Variants in GRK7 observed in about 807,000 individuals in gnomAD.
GRK7 encodes the protein G protein-coupled receptor kinase 7.
In GRK7, 24 loss-of-function variants were observed where a neutral mutation model predicts 34.1. That is an observed-to-expected ratio of 0.70 (90% CI 0.51 to 0.99). GRK7 has a LOEUF of 0.99. GRK7 is among the 50% of genes least tolerant of loss of function. The pLI, the probability that GRK7 is intolerant of heterozygous loss-of-function variation, is 0.00. For synonymous variants in GRK7, 256 were observed against 279.4 expected (o/e 0.92, Z 0.84); for missense variants, 644 against 707.3 (o/e 0.91, Z 1.02).
chr3:141,815,872 T>G (rs1457544749), intron 5 of GRK7, among the ~76,000 whole-genome samples: 2 of 152,164 alleles, frequency 1.3e-5, no homozygotes, highest in Non-Finnish European at 2.9e-5. Flanking sequence ...AGCCTTCAGA[T>G]GAGACCACAG....
chr3:141,770,964 C>T (rs566868630), intron 1 of GRK7, among the ~76,000 whole-genome samples: 33 of 146,718 alleles, frequency 2.2e-4, no homozygotes, highest in Non-Finnish European at 3.9e-4. Context: ...CACTGCACTC[C>T]GGCCTGGGTG....
At position 141,763,682 on chromosome 3, in the gene GRK7, C is replaced by A. The variant is rs2084567504; in HGVS notation, c.-2271C>A. Among the ~76,000 whole-genome samples the A allele has an allele frequency of 6.6e-6, 1 of 152,182 alleles. No individual in the cohort carries two copies. The highest frequency in any genetic ancestry group is 2.4e-5 in the African/African-American group (1 of 41,428). ...CCAGCAATCTCATCCTGCCCTTTAT[C>A]CTAGTTAGATACCTCAACACAAGAA... On this transcript the variant is annotated 5_prime_UTR_variant, in exon 1 of 6. Transcript: ENST00000682958.
chr3:141,771,055 A>G (rs2084614853), intron 1 of GRK7, among the ~76,000 whole-genome samples: 1 of 152,040 alleles, frequency 6.6e-6, no homozygotes, highest in Admixed American at 6.6e-5. Context: ...TGGTCCAGCA[A>G]TCCCACTATT....
intron 1 of GRK7, among the ~76,000 whole-genome samples, chr3:141,769,752 C>T (rs779042773): frequency 1.4e-4 from 22 of 152,216 alleles, no homozygotes; most frequent in Non-Finnish European, 5.9e-5. Flanking sequence ...CACTCGGCCT[C>T]GTGTGTGACC....
chr3:141,817,249 T>C lies in GRK7; in HGVS notation c.*199T>C. On this transcript the variant is annotated 3_prime_UTR_variant, in exon 6 of 6. Coordinates refer to ENST00000682958, the MANE Select transcript of GRK7 (RefSeq NM_139209.3). The stretch of plus-strand genomic sequence containing the variant: ...TTTCTTCATAAAGATGAGTAAAGTC[T>C]CAGTTTTCACTGAGGGCAGGGAAAA... The C allele has an allele frequency of 2.0e-6, 1 of 492,532 alleles. No individual in the cohort carries two copies. Among genetic ancestry groups the C allele is most frequent in the Non-Finnish European group, 3.5e-6 (1 of 281,778 alleles). The allele number at this position is 492,532 out of a possible 1,614,324, so 30.5% of individuals were successfully genotyped here.
intron 1 of GRK7, among the ~76,000 whole-genome samples, chr3:141,768,360 C>G (rs2084599900): frequency 6.6e-6 from 1 of 151,872 alleles, no homozygotes; most frequent in African/African-American, 2.4e-5. Flanking sequence ...CCGCCTCAGC[C>G]TCCGCCTCCC....
At chr3:141,794,101 A>C (rs1442564487) in intron 4 of GRK7, among the ~76,000 whole-genome samples, 1 of 152,130 alleles carries the variant, frequency 6.6e-6, no homozygotes, top group Non-Finnish European at 1.5e-5. Context: ...GTGGGGAAGC[A>C]GACAGCCATG....
At chr3:141,816,689 G>C (rs1162555437) in intron 5 of GRK7, 25 bp from the exon 6 acceptor site, 1 of 1,430,342 alleles carries the variant, frequency 7.0e-7, no homozygotes, top group Non-Finnish European at 9.5e-7. Flanking sequence ...CTCTGTCTCA[G>C]GCTGATCATC....
At position 141,816,785 on chromosome 3, in the gene GRK7, T is replaced by A. The variant is rs1427633271; in HGVS notation, c.1397T>A (p.Leu466Gln). The A allele has an allele frequency of 6.3e-7, 1 of 1,594,644 alleles. No homozygotes were observed. Among genetic ancestry groups the A allele is most frequent in the Admixed American group, 1.8e-5 (1 of 57,064 alleles). ...TINFPRLEAG[L>Q]IEPPFVPDPS... ...AACTTTCCTCGCCTGGAAGCTGGCC[T>A]AATTGAACCCCCATTTGTGCCAGAC... The change falls in exon 6 of 6, where the codon CTA becomes CAA. Residue 466 changes from leucine (L) to glutamine (Q), a missense_variant. Leu to Gln is a moderately radical substitution (Grantham distance 113). Transcript: ENST00000682958.
At chr3:141,754,611 T>G in the GRK7 span, among the ~76,000 whole-genome samples, 3 of 152,234 alleles carry the variant, frequency 2.0e-5, no homozygotes, top group Non-Finnish European at 4.4e-5. Context: ...GTCTTTAGTC[T>G]GTAGTTCACT....
intron 2 of GRK7, among the ~76,000 whole-genome samples, chr3:141,777,615 C>T (rs80104437): frequency 0.017 from 2,499 of 151,012 alleles, 35 homozygotes; most frequent in South Asian, 0.031. Context: ...CAAGGTACTC[C>T]AGGTCACAGA....
intron 1 of GRK7, among the ~76,000 whole-genome samples, chr3:141,768,781 T>C (rs1012563668): frequency 1.3e-5 from 2 of 152,078 alleles, no homozygotes; most frequent in African/African-American, 4.8e-5. Context: ...GTGGTTTCCA[T>C]CCATCCTCCT....
chr3:141,750,546 G>A, the GRK7 span, among the ~76,000 whole-genome samples: 1 of 152,100 alleles, frequency 6.6e-6, no homozygotes, highest in Non-Finnish European at 1.5e-5. Flanking sequence ...CATTTTAACT[G>A]CAAGAACAGT....
chr3:141,788,404 G>T (rs1351498768), intron 4 of GRK7, among the ~76,000 whole-genome samples: 1 of 152,098 alleles, frequency 6.6e-6, no homozygotes. Context: ...GCGGGCCTGA[G>T]GCTGGGTCCT....
chr3:141,779,409 C>CAAAAAAAAAAAAAAAA (rs10626329), intron 3 of GRK7, among the ~76,000 whole-genome samples: 5 of 96,468 alleles, frequency 5.2e-5, no homozygotes, highest in African/African-American at 1.3e-4. Flanking sequence ...GAGCAAGACT[C>CAAAAAAAAAAAAAAAA]AAAAAAAAAA....
chr3:141,818,059 A>C lies in GRK7; in HGVS notation c.*1009A>C, dbSNP rs1336492343. ...ATGTCATTTTAGTAATTGCAGTATAAATGAAACAAGACAGTCTATTCATCT... is the reference window on the plus strand; with the variant it reads ...ATGTCATTTTAGTAATTGCAGTATACATGAAACAAGACAGTCTATTCATCT... On this transcript the variant is annotated 3_prime_UTR_variant, in exon 6 of 6. Coordinates refer to ENST00000682958, the MANE Select transcript of GRK7 (RefSeq NM_139209.3). The C allele has an allele frequency of 1.3e-5, 2 of 152,236 alleles. No homozygotes were observed. Among genetic ancestry groups the C allele is most frequent in the Non-Finnish European group, 2.9e-5 (2 of 68,046 alleles). 9.4% of individuals were successfully genotyped at this position (152,236 alleles called of 1,614,324 possible).
At chr3:141,762,796 C>A (rs141234092), upstream of GRK7, among the ~76,000 whole-genome samples, 3 of 152,342 alleles carry the variant, frequency 2.0e-5, no homozygotes, top group East Asian at 3.9e-4. Context: ...TGGGGTAGGA[C>A]CCTCCGAGCC....
intron 5 of GRK7, among the ~76,000 whole-genome samples, chr3:141,809,195 TC>T (rs1390003332): frequency 6.6e-6 from 1 of 151,728 alleles, no homozygotes; most frequent in Non-Finnish European, 1.5e-5. Flanking sequence ...GAGCAAGACT[TC>T]GTCTCAAAAT....
At chr3:141,793,515 C>A (rs1273028499) in intron 4 of GRK7, among the ~76,000 whole-genome samples, 3 of 152,222 alleles carry the variant, frequency 2.0e-5, no homozygotes, top group Non-Finnish European at 2.9e-5. Context: ...GCAGAGAGAA[C>A]CTCACCCCTA....
Sources: allele counts gnomAD v4.1 joint callset (sites outside exome capture counted in the v4.1 genomes callset), GRCh38; gene constraint gnomAD v4.1.1; transcripts MANE v1.5; gene names NCBI Gene and HGNC (gene_info 2026-07-23, HGNC 2026-07-21).